The following PTPRG variants were observed in gnomAD, a reference collection of about 807,000 sequenced individuals.
PTPRG encodes protein tyrosine phosphatase receptor type G, also known as receptor-type tyrosine-protein phosphatase gamma.
PTPRG carries 102 observed loss-of-function variants against 165.3 expected under a neutral mutation model. The observed-to-expected ratio is 0.62, with a 90% CI of 0.53 to 0.73. PTPRG has a LOEUF of 0.73. PTPRG is among the 30% of genes least tolerant of loss of function. The pLI, the probability that PTPRG is intolerant of heterozygous loss-of-function variation, is 0.00. For synonymous variants in PTPRG, 675 were observed against 669.5 expected (o/e 1.01, Z -0.13); for missense variants, 1,866 against 1,861.4 (o/e 1.00, Z -0.05).
In PTPRG at chr3:62,130,089, T is replaced by C. The variant is rs1703456690; in HGVS notation, c.616-2513T>C. On this transcript the variant is annotated intron_variant, in intron 5 of 29. Transcript: ENST00000474889. The stretch of plus-strand genomic sequence containing the variant: ...ACAGATCGTTTTATGGGTCAGTAGG[T>C]TGGCTGGTCAGTTGTGGGTATGGCT... Among the ~76,000 whole-genome samples the C allele has an allele frequency of 2.0e-5, 3 of 152,152 alleles. No homozygotes were observed. The South Asian group carries it at 6.2e-4, about 32-fold the overall frequency.
At chr3:61,881,813 C>T (rs1383792130) in intron 2 of PTPRG, among the ~76,000 whole-genome samples, 1 of 152,144 alleles carries the variant, frequency 6.6e-6, no homozygotes, top group African/African-American at 2.4e-5. Flanking sequence ...AACCATTGGA[C>T]ACAGTTGGAA....
intron 2 of PTPRG, among the ~76,000 whole-genome samples, chr3:61,753,085 G>A (rs1323615473): frequency 1.3e-5 from 2 of 152,140 alleles, no homozygotes; most frequent in Non-Finnish European, 2.9e-5. Context: ...GAGTTCTCTT[G>A]TGGTCACTGG....
At chr3:61,812,979 A>G (rs375848449) in intron 2 of PTPRG, among the ~76,000 whole-genome samples, 2 of 152,146 alleles carry the variant, frequency 1.3e-5, no homozygotes, top group Non-Finnish European at 2.9e-5. Flanking sequence ...TAAATCCTGT[A>G]AACAGTTTTG....
intron 2 of PTPRG, among the ~76,000 whole-genome samples, chr3:61,898,961 TGCG>T (rs2038431041): frequency 6.6e-6 from 1 of 151,980 alleles, no homozygotes; most frequent in South Asian, 2.1e-4. Flanking sequence ...CAGGCTGGAG[TGCG>T]GCGGCGCCAT....
At chr3:61,920,800 A>T (rs1053876484) in intron 2 of PTPRG, among the ~76,000 whole-genome samples, 1 of 152,204 alleles carries the variant, frequency 6.6e-6, no homozygotes, top group East Asian at 1.9e-4. Context: ...ATATTTTAGC[A>T]TTTTTTAAAT....
intron 1 of PTPRG, among the ~76,000 whole-genome samples, chr3:61,712,036 G>C (rs1559569019): frequency 6.6e-6 from 1 of 151,860 alleles, no homozygotes; most frequent in Admixed American, 6.6e-5. Flanking sequence ...TGGGATTATA[G>C]GCACCTGCTA....
chr3:62,225,811 C>T (rs572365819), intron 13 of PTPRG, among the ~76,000 whole-genome samples: 22 of 151,998 alleles, frequency 1.4e-4, no homozygotes, highest in African/African-American at 4.8e-4. Flanking sequence ...CCCACCACCA[C>T]GCCCAGCTAA....
intron 4 of PTPRG, among the ~76,000 whole-genome samples, chr3:62,047,356 T>G (rs1575934000): frequency 6.6e-6 from 1 of 152,024 alleles, no homozygotes; most frequent in African/African-American, 2.4e-5. Flanking sequence ...GCCTCCCGGG[T>G]TCAAGCAATT....
At chr3:61,625,653 T>C (rs1372307788) in intron 1 of PTPRG, among the ~76,000 whole-genome samples, 1 of 152,170 alleles carries the variant, frequency 6.6e-6, no homozygotes, top group East Asian at 1.9e-4. Context: ...ATGGGATGTT[T>C]GCTGCTCTCG....
At chr3:61,743,160 T>A in intron 1 of PTPRG, 1 of 943,392 alleles carries the variant, frequency 1.1e-6, no homozygotes, top group South Asian at 1.4e-5. Context: ...TATTTTTATC[T>A]TTTTTTGCTT....
intron 4 of PTPRG, among the ~76,000 whole-genome samples, chr3:62,027,951 A>G (rs934213551): frequency 1.3e-5 from 2 of 152,228 alleles, no homozygotes; most frequent in Non-Finnish European, 2.9e-5. Flanking sequence ...GCTCCGGGCA[A>G]GTGTTTGCAA....
chr3:62,155,666 A>C (rs147322411), intron 6 of PTPRG, among the ~76,000 whole-genome samples: 4 of 152,210 alleles, frequency 2.6e-5, no homozygotes, highest in Admixed American at 6.5e-5. Flanking sequence ...ATCTTTTCCA[A>C]AAGGAAATTG....
chr3:61,596,655 G>A (rs1284015623), intron 1 of PTPRG, among the ~76,000 whole-genome samples: 1 of 152,052 alleles, frequency 6.6e-6, no homozygotes, highest in Non-Finnish European at 1.5e-5. Flanking sequence ...TGAGTTGGTG[G>A]GAGAAGTGAG....
intron 5 of PTPRG, among the ~76,000 whole-genome samples, chr3:62,098,181 C>G (rs950937446): frequency 4.7e-4 from 71 of 151,764 alleles, no homozygotes; most frequent in African/African-American, 1.6e-3. Flanking sequence ...TCTTTAAGAC[C>G]AGTACAAGCC....
chr3:62,106,503 CTT>C (rs149641730), intron 5 of PTPRG, among the ~76,000 whole-genome samples: 73,837 of 117,976 alleles, frequency 0.63, 20,963 homozygotes, highest in Middle Eastern at 0.69. Flanking sequence ...CTCTTAAAGG[CTT>C]TTTTTTTTTT....
chr3:62,056,288 G>A (rs1228186324), intron 4 of PTPRG, among the ~76,000 whole-genome samples: 1 of 152,186 alleles, frequency 6.6e-6, no homozygotes, highest in Non-Finnish European at 1.5e-5. Context: ...TGTACAAAGG[G>A]TATAGGAGTG....
intron 27 of PTPRG, 49 bp from the exon 28 acceptor site, chr3:62,282,678 G>C: frequency 6.4e-7 from 1 of 1,558,500 alleles, no homozygotes; most frequent in Non-Finnish European, 8.7e-7. Flanking sequence ...TTAGATTGTA[G>C]ATATGTGAAA....
At chr3:62,097,622 A>G (rs775196058) in intron 5 of PTPRG, among the ~76,000 whole-genome samples, 1 of 152,228 alleles carries the variant, frequency 6.6e-6, no homozygotes, top group Non-Finnish European at 1.5e-5. Flanking sequence ...GATATCCTGC[A>G]TATGAAATAA....
chr3:61,684,348 G>A (rs1054479493), intron 1 of PTPRG, among the ~76,000 whole-genome samples: 3 of 152,144 alleles, frequency 2.0e-5, no homozygotes, highest in African/African-American at 4.8e-5. Context: ...ATTAGGGAGC[G>A]GGTTGCCTGT....
Sources: gnomAD v4.1 joint callset for allele counts (sites outside exome capture counted in the v4.1 genomes callset) on GRCh38, gnomAD v4.1.1 for gene constraint, MANE v1.5 for transcripts, NCBI Gene and HGNC (gene_info 2026-07-23, HGNC 2026-07-21) for gene names.